Variants in SAMMSON observed in about 807,000 individuals in gnomAD.
SAMMSON encodes survival associated mitochondrial melanoma specific oncogenic non-coding RNA.
chr3:70,337,088 TTAA>T (rs1199233019), intron 7 of SAMMSON, among the ~76,000 whole-genome samples: 2 of 40,740 alleles, frequency 4.9e-5, no homozygotes, highest in Admixed American at 6.1e-4. Context: ...AATATTCTTA[TTAA>T]TAATAATATC....
chr3:70,378,760 A>T (rs1703040868), intron 9 of SAMMSON, among the ~76,000 whole-genome samples: 1 of 152,094 alleles, frequency 6.6e-6, no homozygotes, highest in Non-Finnish European at 1.5e-5. Context: ...TACAAGTATG[A>T]AATGACATAC....
intron 3 of SAMMSON, chr3:70,069,106 C>T (rs2067220734): frequency 6.6e-6 from 1 of 152,002 alleles, no homozygotes; most frequent in Non-Finnish European, 1.5e-5. Flanking sequence ...TGGTTAGGAA[C>T]CCAGAGCTCA....
chr3:70,290,702 A>C (rs1702227864), intron 6 of SAMMSON, among the ~76,000 whole-genome samples: 1 of 152,034 alleles, frequency 6.6e-6, no homozygotes, highest in South Asian at 2.1e-4. Flanking sequence ...CTGTGCTAGC[A>C]ATCAGTGAGA....
chr3:70,011,254 AAAAAAC>A (rs939645782), intron 1 of SAMMSON, among the ~76,000 whole-genome samples: 2 of 152,136 alleles, frequency 1.3e-5, no homozygotes, highest in African/African-American at 4.8e-5. Context: ...TAAGAAAATG[AAAAAAC>A]AAAAACAAAA....
chr3:70,263,012 G>A (rs73836203), intron 6 of SAMMSON, among the ~76,000 whole-genome samples: 146 of 152,078 alleles, frequency 9.6e-4, no homozygotes, highest in African/African-American at 3.4e-3. Flanking sequence ...TTTAGGTATT[G>A]CATTTCTCTA....
At chr3:70,418,142 A>G (rs1259918868) in intron 2 of SAMMSON, among the ~76,000 whole-genome samples, 1 of 152,188 alleles carries the variant, frequency 6.6e-6, no homozygotes, top group Non-Finnish European at 1.5e-5. Flanking sequence ...TGACTTCTGA[A>G]GGAGCCTCTA....
chr3:70,130,334 A>T (rs769118242), intron 4 of SAMMSON, among the ~76,000 whole-genome samples: 3 of 152,104 alleles, frequency 2.0e-5, no homozygotes, highest in Non-Finnish European at 4.4e-5. Context: ...CTGCAATAAG[A>T]CTTGAGGGTT....
intron 6 of SAMMSON, among the ~76,000 whole-genome samples, chr3:70,290,676 G>A (rs1702227613): frequency 6.6e-6 from 1 of 152,162 alleles, no homozygotes; most frequent in Non-Finnish European, 1.5e-5. Flanking sequence ...CCGCCTTGCA[G>A]TTTGATCTCA....
In SAMMSON at chr3:70,020,595, A is replaced by G. The variant is rs537724190; in HGVS notation, n.417+6923A>G. Among the ~76,000 whole-genome samples the G allele has an allele frequency of 2.0e-3, 305 of 151,648 alleles. 5 individuals carry two copies. Among genetic ancestry groups the G allele is most frequent in the Non-Finnish European group, 2.5e-3 (172 of 67,898 alleles). On this transcript the variant is annotated intron_variant and non_coding_transcript_variant, in intron 3 of 9. Coordinates refer to ENST00000642114, the Ensembl canonical transcript of SAMMSON. Reference sequence around the variant, plus strand: ...CAGCTTGGGATGGCAGAGCCTGCAAACTCCTCATACTCCACAGCTTTCATC... The same window carrying G: ...CAGCTTGGGATGGCAGAGCCTGCAAGCTCCTCATACTCCACAGCTTTCATC...
chr3:70,225,262 C>T (rs1200912064), intron 4 of SAMMSON, among the ~76,000 whole-genome samples: 2 of 152,170 alleles, frequency 1.3e-5, no homozygotes, highest in African/African-American at 2.4e-5. Flanking sequence ...ATAAACTTTT[C>T]CCCAGATTTT....
chr3:70,146,470 A>G (rs1351679442), intron 4 of SAMMSON, among the ~76,000 whole-genome samples: 1 of 152,026 alleles, frequency 6.6e-6, no homozygotes, highest in Non-Finnish European at 1.5e-5. Context: ...CACCATGACC[A>G]AGTGGGATTT....
intron 4 of SAMMSON, among the ~76,000 whole-genome samples, chr3:70,087,959 G>A (rs1240566731): frequency 6.6e-6 from 1 of 152,192 alleles, no homozygotes; most frequent in Non-Finnish European, 1.5e-5. Flanking sequence ...AAATTAAAAT[G>A]ATGCTTTATT....
chr3:70,347,431 C>T (rs7645936), intron 7 of SAMMSON, among the ~76,000 whole-genome samples: 10,055 of 145,032 alleles, frequency 0.069, 382 homozygotes, highest in South Asian at 0.11. Context: ...TTTTTCGGAA[C>T]TGGCCTAAGT....
intron 9 of SAMMSON, among the ~76,000 whole-genome samples, chr3:70,380,594 A>G (rs1236006930): frequency 6.6e-6 from 1 of 151,840 alleles, no homozygotes; most frequent in Non-Finnish European, 1.5e-5. Context: ...CACAACGTGC[A>G]GGTTAGTTAC....
At chr3:70,295,900 A>T (rs966209376) in intron 7 of SAMMSON, among the ~76,000 whole-genome samples, 1 of 152,148 alleles carries the variant, frequency 6.6e-6, no homozygotes, top group African/African-American at 2.4e-5. Flanking sequence ...CTTGTTTCCC[A>T]TACTTGCTCA....
intron 7 of SAMMSON, among the ~76,000 whole-genome samples, chr3:70,312,966 A>T (rs575252778): frequency 6.6e-6 from 1 of 152,360 alleles, no homozygotes. Flanking sequence ...TTTGGTTAAA[A>T]GAAAAGAAAG....
chr3:70,185,595 T>G (rs569861361), intron 4 of SAMMSON, among the ~76,000 whole-genome samples: 14 of 152,258 alleles, frequency 9.2e-5, no homozygotes, highest in African/African-American at 2.6e-4. Flanking sequence ...AGAAATTCCC[T>G]TTTCACAATA....
chr3:70,318,307 T>C (rs913120316), intron 7 of SAMMSON, among the ~76,000 whole-genome samples: 1 of 151,992 alleles, frequency 6.6e-6, no homozygotes, highest in Admixed American at 6.6e-5. Context: ...ATCATTTTTT[T>C]CCCCAGTCCC....
chr3:70,205,050 G>A (rs1701277713), intron 4 of SAMMSON: 1 of 152,104 alleles, frequency 6.6e-6, no homozygotes, highest in South Asian at 2.1e-4. Flanking sequence ...TGAATTCAGA[G>A]TCATAATCTG....
Sources: allele counts gnomAD v4.1 joint callset (sites outside exome capture counted in the v4.1 genomes callset), GRCh38; gene constraint gnomAD v4.1.1; transcripts MANE v1.5; gene names NCBI Gene and HGNC (gene_info 2026-07-23, HGNC 2026-07-21).